ENOSF1: variants seen among roughly 807,000 people sequenced by gnomAD.
ENOSF1 encodes enolase superfamily member 1, also known as mitochondrial enolase superfamily member 1.
ENOSF1 carries 73 observed loss-of-function variants against 68.2 expected under a neutral mutation model. The ratio of observed to expected loss-of-function variants is 1.07; its 90% confidence interval spans 0.89 to 1.30. The LOEUF is 1.30. Ranked by LOEUF, ENOSF1 falls within the 50% of genes most tolerant of loss-of-function variation. ENOSF1 has a pLI of 0.00. For synonymous variants in ENOSF1, 223 were observed against 210.4 expected (o/e 1.06, Z -0.52); for missense variants, 589 against 554.5 (o/e 1.06, Z -0.62).
At chr18:706,694 C>G in intron 1 of ENOSF1, 116 bp from the exon 2 acceptor site, 1 of 707,580 alleles carries the variant, frequency 1.4e-6, no homozygotes, top group South Asian at 1.7e-5. Context: ...CACAAGAGCT[C>G]CCATAGAAGG....
At position 690,595 on chromosome 18, in the gene ENOSF1, G is replaced by A. The variant is rs769391707; in HGVS notation, c.572C>T (p.Thr191Met). 2.5e-5 allele frequency: 40 copies of A among 1,613,764 alleles called. No homozygotes were observed. In the East Asian group the frequency reaches 4.9e-4, roughly 20 times the overall value. Residue 191 changes from threonine to methionine, a missense_variant, in exon 8 of 16, where the codon ACG (threonine) becomes ATG (methionine). Thr to Met is a moderately conservative substitution (Grantham distance 81). Coordinates refer to ENST00000647584, the MANE Select transcript of ENOSF1 (RefSeq NM_017512.7). ...GTACCCCAGCCAGGCGCACGATGTC[G>A]TGTAAGCAGGGTATCCTTGTGCCAG... ...QMLAQGYPAY[T>M]TSCAWLGYSD...
In ENOSF1 at chr18:677,816, G is replaced by A; in HGVS notation, c.975C>T (p.Leu325=). The A allele has an allele frequency of 6.2e-7, 1 of 1,614,154 alleles. No homozygotes were observed. The highest frequency in any genetic ancestry group is 8.5e-7 in the Non-Finnish European group (1 of 1,180,020). Reference sequence around the variant, plus strand: ...TGCCCAGTCTGCAACTGTCAATCTGGAGGAACTGCAGGGCCTTCGCCTGTA... The same window carrying A: ...TGCCCAGTCTGCAACTGTCAATCTGAAGGAACTGCAGGGCCTTCGCCTGTA... ...QLLQAKALQF[L]QIDSCRLGSV... is the part of the protein sequence containing the mutation. Residue 325 remains leucine (L), a synonymous_variant, in exon 13 of 16, where the codon CTC becomes CTT. Transcript: ENST00000647584.
At chr18:683,098 T>C in intron 11 of ENOSF1, 148 bp downstream of exon 11, 1 of 929,126 alleles carries the variant, frequency 1.1e-6, no homozygotes, top group Non-Finnish European at 1.6e-6. Context: ...CTGTAACCCC[T>C]GTATTTGTCA....
At chr18:701,073 G>A (rs1456776926) in intron 2 of ENOSF1, among the ~76,000 whole-genome samples, 1 of 152,076 alleles carries the variant, frequency 6.6e-6, no homozygotes, top group African/African-American at 2.4e-5. Context: ...GAAGGACATT[G>A]AGTAAAGTCT....
chr18:675,429 A>G (rs754736556), intron 14 of ENOSF1, 27 bp from the exon 15 acceptor site: 1 of 1,586,218 alleles, frequency 6.3e-7, no homozygotes, highest in South Asian at 1.1e-5. Flanking sequence ...AGATCGGGGC[A>G]ATGATGCCTG....
Position 691,285 on chromosome 18 carries a change from G to C in ENOSF1, c.424-9C>G, listed in dbSNP as rs147762415. 1.2e-6 allele frequency: 2 copies of C among 1,609,854 alleles called. No individual in the cohort carries two copies. Among genetic ancestry groups the C allele is most frequent in the Non-Finnish European group, 1.7e-6 (2 of 1,176,604 alleles). On this transcript the variant is annotated splice_polypyrimidine_tract_variant and intron_variant, in intron 5 of 15. Transcript: ENST00000647584. ...ACCAGCATCCTGGGATCCTGGCAACGTGACAGGAGGGGAAGAGGCCTGAAT... is the reference window on the plus strand; with the variant it reads ...ACCAGCATCCTGGGATCCTGGCAACCTGACAGGAGGGGAAGAGGCCTGAAT...
intron 8 of ENOSF1, among the ~76,000 whole-genome samples, chr18:689,139 G>C (rs2076909924): frequency 6.6e-6 from 1 of 152,152 alleles, no homozygotes; most frequent in South Asian, 2.1e-4. Context: ...TCTACCGCTG[G>C]TGCTGCCCAG....
At chr18:667,511 TGATGGTGATGGTGATGGA>T (rs1567990844), downstream of ENOSF1, among the ~76,000 whole-genome samples, 2 of 46,034 alleles carry the variant, frequency 4.3e-5, no homozygotes, top group African/African-American at 3.1e-4. Context: ...ATGGTGATGG[TGATGGTGATGGTGATGGA>T]GATGGTGATG....
intron 1 of ENOSF1, among the ~76,000 whole-genome samples, chr18:709,225 C>T (rs1277466183): frequency 6.6e-6 from 1 of 152,086 alleles, no homozygotes; most frequent in African/African-American, 2.4e-5. Context: ...GCACCGAAGT[C>T]AGAATGCGGA....
rs368648823 is a variant in ENOSF1 at position 671,369 on chromosome 18, C to T, written c.*2936G>A. ...TAACATACTGTTCTGCTTTCTCCCC[C>T]GGGTTTATAGCCAGGTGACTTTATA... On this transcript the variant is annotated 3_prime_UTR_variant, in exon 16 of 16. Coordinates refer to ENST00000647584, the MANE Select transcript of ENOSF1 (RefSeq NM_017512.7). The T allele has an allele frequency of 3.1e-5, 50 of 1,588,054 alleles. No homozygotes were observed. The highest frequency in any genetic ancestry group is 4.0e-5 in the African/African-American group (3 of 74,330).
chr18:708,740 A>C (rs1486058065), intron 1 of ENOSF1, among the ~76,000 whole-genome samples: 1 of 152,072 alleles, frequency 6.6e-6, no homozygotes, highest in Non-Finnish European at 1.5e-5. Context: ...GGAGGGAGGA[A>C]TATCTCAGGC....
In ENOSF1 at chr18:670,930, A is replaced by G; in HGVS notation, c.*3375T>C. 1 of 1,556,792 alleles carries G rather than the reference A, an allele frequency of 6.4e-7. No individual in the cohort carries two copies. Among genetic ancestry groups the G allele is most frequent in the Non-Finnish European group, 8.7e-7 (1 of 1,144,388 alleles). On this transcript the variant is annotated 3_prime_UTR_variant, in exon 16 of 16. Transcript: ENST00000647584. ...ACACTGAGCTCTTCAGTTCTTTAAT[A>G]TGGGAAAACAAATTGCAGAGTTTAG...
intron 2 of ENOSF1, among the ~76,000 whole-genome samples, chr18:698,873 C>T (rs1202975657): frequency 2.6e-5 from 4 of 152,144 alleles, no homozygotes; most frequent in South Asian, 2.1e-4. Context: ...ACACCTGCCT[C>T]GGCCACCAAA....
At chr18:667,163 ATGG>A (rs1307762879), downstream of ENOSF1, among the ~76,000 whole-genome samples, 2 of 91,362 alleles carry the variant, frequency 2.2e-5, no homozygotes, top group Non-Finnish European at 4.1e-5. Context: ...GGTGATGGAG[ATGG>A]TGATGGTGAT....
chr18:710,403 C>T (rs951645288), intron 1 of ENOSF1, among the ~76,000 whole-genome samples: 3 of 152,238 alleles, frequency 2.0e-5, no homozygotes, highest in African/African-American at 7.2e-5. Flanking sequence ...AACCACCACG[C>T]TCAGCCAAAC....
At chr18:703,558 C>G (rs973348932) in intron 2 of ENOSF1, among the ~76,000 whole-genome samples, 10 of 152,184 alleles carry the variant, frequency 6.6e-5, no homozygotes, top group African/African-American at 2.4e-4. Context: ...TAAGTGGTTA[C>G]TACTCTGGGG....
chr18:712,311 A>C lies in ENOSF1; in HGVS notation c.84+193T>G. On this transcript the variant is annotated intron_variant, in intron 1 of 15. Transcript: ENST00000647584. Reference sequence around the variant, plus strand: ...TCGGGAAGCTGCCCGGGGCCCGCAGAGCTGCAGTCGGCGGGGCGGGAGGGA... The same window carrying C: ...TCGGGAAGCTGCCCGGGGCCCGCAGCGCTGCAGTCGGCGGGGCGGGAGGGA... 7.4e-6 allele frequency: 11 copies of C among 1,480,448 alleles called. 4 individuals are homozygous for C. Among genetic ancestry groups the C allele is most frequent in the Non-Finnish European group, 6.2e-6 (7 of 1,125,870 alleles). 91.7% of individuals were successfully genotyped at this position (1,480,448 alleles called of 1,614,324 possible). A position where few individuals can be genotyped will look rare whatever the true frequency, so the allele number is the denominator to read the frequency against.
Position 693,910 on chromosome 18 carries a change from T to C in ENOSF1, c.397-2A>G, listed in dbSNP as rs747814184. 5.6e-6 allele frequency: 9 copies of C among 1,613,906 alleles called. No individual in the cohort carries two copies. The highest frequency in any genetic ancestry group is 2.7e-5 in the African/African-American group (2 of 74,916). ...GTCCACAAGTAACTTCCAGACAGGC[T>C]TGAAGTAAAAAAGAAAGGATTTGTA... On this transcript the variant is annotated splice_acceptor_variant, in intron 4 of 15. Coordinates refer to ENST00000647584, the MANE Select transcript of ENOSF1 (RefSeq NM_017512.7). LOFTEE classifies it high-confidence loss of function.
At chr18:688,484 T>TTTTAC in intron 9 of ENOSF1, 90 bp downstream of exon 9, 1 of 1,578,406 alleles carries the variant, frequency 6.3e-7, no homozygotes. Context: ...CGTGGGTGCC[T>TTTTAC]TTTACTCCTT....
Sources: gnomAD v4.1 joint callset for allele counts (sites outside exome capture counted in the v4.1 genomes callset) on GRCh38, gnomAD v4.1.1 for gene constraint, MANE v1.5 for transcripts, NCBI Gene and HGNC (gene_info 2026-07-23, HGNC 2026-07-21) for gene names.